Variants in MACF1 observed in about 807,000 individuals in gnomAD.
MACF1 encodes microtubule-actin cross-linking factor 1.
In MACF1, 193 loss-of-function variants were observed where a neutral mutation model predicts 854.8. The ratio of observed to expected loss-of-function variants is 0.23; its 90% confidence interval spans 0.20 to 0.25. The LOEUF is 0.25. Among genes scored for constraint, MACF1 ranks in the 10% least tolerant of loss-of-function variants. The pLI is 1.00. For synonymous variants in MACF1, 3,185 were observed against 3,226.7 expected (o/e 0.99, Z 0.44); for missense variants, 7,722 against 8,929.1 (o/e 0.86, Z 5.45).
intron 97 of MACF1, among the ~76,000 whole-genome samples, chr1:39,473,270 C>G (rs1644811806): frequency 6.6e-6 from 1 of 152,210 alleles, no homozygotes; most frequent in South Asian, 2.1e-4. Context: ...ATGGTGGCCT[C>G]TGGGGCTAAC....
chr1:39,387,299 C>G lies in MACF1; in HGVS notation c.14457C>G (p.Asn4819Lys). The change falls in exon 58 of 101, where the codon AAC (asparagine) becomes AAG (lysine). Residue 4819 changes from asparagine to lysine, a missense_variant. By Grantham distance (94) the Asn-to-Lys change is moderately conservative (BLOSUM62 0). Transcript: ENST00000564288. Reference sequence around the variant, plus strand: ...ATAAACAAAGCCAGCAAGCAAAAAACTGCCCAATTTCTGCAAAATTGGAGC... The same window carrying G: ...ATAAACAAAGCCAGCAAGCAAAAAAGTGCCCAATTTCTGCAAAATTGGAGC... ...LDDKQSQQAK[N>K]CPISAKLERL... is the part of the protein sequence containing the mutation. The G allele has an allele frequency of 6.2e-7, 1 of 1,614,216 alleles. No individual in the cohort carries two copies. The highest frequency in any genetic ancestry group is 8.5e-7 in the Non-Finnish European group (1 of 1,180,028).
chr1:39,143,421 A>G (rs903709854), intron 2 of MACF1, among the ~76,000 whole-genome samples: 3 of 152,190 alleles, frequency 2.0e-5, no homozygotes, highest in African/African-American at 7.2e-5. Context: ...AGGCCAGGAT[A>G]ATAGGATAGA....
intron 58 of MACF1, chr1:39,412,731 A>G (rs765719080): frequency 3.7e-6 from 6 of 1,613,840 alleles, no homozygotes; most frequent in Middle Eastern, 3.3e-4. Flanking sequence ...ATACTGAACC[A>G]GTTTTAGAGG....
At chr1:39,476,353 G>A (rs1003243212) in intron 97 of MACF1, among the ~76,000 whole-genome samples, 12 of 151,662 alleles carry the variant, frequency 7.9e-5, no homozygotes, top group Admixed American at 1.3e-4. Flanking sequence ...GGCAGATCAC[G>A]AGGTCAGGAG....
intron 2 of MACF1, among the ~76,000 whole-genome samples, chr1:39,151,422 G>A (rs1445114697): frequency 6.6e-6 from 1 of 152,174 alleles, no homozygotes; most frequent in Non-Finnish European, 1.5e-5. Context: ...TCACTCGGAA[G>A]CCCTTGCAAT....
intron 58 of MACF1, among the ~76,000 whole-genome samples, chr1:39,398,817 C>T (rs566240252): frequency 6.6e-6 from 1 of 152,286 alleles, no homozygotes; most frequent in South Asian, 2.1e-4. Context: ...CCACAAGGCT[C>T]CTGCTGTGGA....
chr1:39,428,342 A>T, intron 63 of MACF1, 55 bp downstream of exon 63: 1 of 1,446,090 alleles, frequency 6.9e-7, no homozygotes, highest in Non-Finnish European at 9.2e-7. Context: ...TGTTATTTTG[A>T]TTCATGTTTC....
intron 2 of MACF1, among the ~76,000 whole-genome samples, chr1:39,160,596 A>T (rs1427932411): frequency 2.0e-5 from 3 of 152,252 alleles, no homozygotes; most frequent in Admixed American, 6.5e-5. Flanking sequence ...CAAAGAAAGG[A>T]TCAGATTTAA....
intron 2 of MACF1, among the ~76,000 whole-genome samples, chr1:39,129,223 TTA>T (rs1358329534): frequency 1.3e-5 from 2 of 152,214 alleles, no homozygotes; most frequent in African/African-American, 4.8e-5. Context: ...GTGCAACAGG[TTA>T]TGTTTTCTCC....
At position 39,333,036 on chromosome 1, in the gene MACF1, G is replaced by GT. The variant is rs1001320015; in HGVS notation, c.6454dup (p.Ser2152PhefsTer3). The GT allele has an allele frequency of 1.9e-6, 3 of 1,613,898 alleles. No homozygotes were observed. The highest frequency in any genetic ancestry group is 1.3e-5 in the African/African-American group (1 of 74,882). On this transcript the variant is annotated frameshift_variant, in exon 37 of 101. Coordinates refer to ENST00000564288, the MANE Select transcript of MACF1 (RefSeq NM_001394062.1). LOFTEE classifies it high-confidence loss of function. ...TGTGCCGTTGGTGGTTGACAAAGAT[G>GT]TTTTTTCTGTTGAAACACCAAAGAA...
At chr1:39,251,970 C>A in intron 4 of MACF1, 29 bp downstream of exon 4, 1 of 1,434,980 alleles carries the variant, frequency 7.0e-7, no homozygotes, top group Non-Finnish European at 9.2e-7. Flanking sequence ...GCCAGCATCC[C>A]AGCTGGCACT....
intron 2 of MACF1, among the ~76,000 whole-genome samples, chr1:39,122,632 C>A (rs1391926627): frequency 6.6e-6 from 1 of 152,102 alleles, no homozygotes; most frequent in African/African-American, 2.4e-5. Context: ...GAGGATTAAA[C>A]CCAGTTGAAA....
intron 23 of MACF1, among the ~76,000 whole-genome samples, chr1:39,307,438 T>A (rs964028160): frequency 6.6e-6 from 1 of 152,212 alleles, no homozygotes; most frequent in Non-Finnish European, 1.5e-5. Flanking sequence ...TCTCTGCAAG[T>A]GTTTAAGTGC....
upstream of MACF1, among the ~76,000 whole-genome samples, chr1:39,203,115 A>G (rs1644412294): frequency 6.6e-6 from 1 of 152,254 alleles, no homozygotes. Flanking sequence ...TTAGAAAAAA[A>G]TAAACTTGAC....
At chr1:39,387,062 C>A (rs1007382034) in intron 57 of MACF1, 125 bp from the exon 58 acceptor site, 1 of 1,038,114 alleles carries the variant, frequency 9.6e-7, no homozygotes. Flanking sequence ...TTATATGCCT[C>A]TTTTTGGTAG....
chr1:39,444,551 G>A (rs1570105622), intron 79 of MACF1, 111 bp from the exon 80 acceptor site: 11 of 838,744 alleles, frequency 1.3e-5, no homozygotes, highest in Non-Finnish European at 2.0e-5. Context: ...AGAATGGCTT[G>A]TAATCAAGAT....
Position 39,086,612 on chromosome 1 carries a change from A to G in MACF1, c.220+2174A>G, listed in dbSNP as rs190033592. ...TTTATGCCCTCTGCCTCCATCCTTC[A>G]TCACTCATGCATACTTAGATCGTTT... On this transcript the variant is annotated intron_variant, in intron 2 of 93. Transcript: ENST00000361689. Among the ~76,000 whole-genome samples, 16 of 152,216 alleles carry G rather than the reference A, an allele frequency of 1.1e-4. No homozygotes were observed. The East Asian group carries it at 3.1e-3, about 29-fold the overall frequency.
At chr1:39,100,431 C>T (rs1316204796) in intron 2 of MACF1, among the ~76,000 whole-genome samples, 1 of 152,116 alleles carries the variant, frequency 6.6e-6, no homozygotes, top group Non-Finnish European at 1.5e-5. Flanking sequence ...ACTTGGAATT[C>T]CAGGCTTAGA....
rs147091229 is a variant in MACF1 at position 39,306,026 on chromosome 1, C to T, written c.2789+2948C>T. 7.5e-3 allele frequency among the ~76,000 whole-genome samples: 1,148 copies of T among 152,218 alleles called. 10 individuals are homozygous for T. Among genetic ancestry groups the T allele is most frequent in the Middle Eastern group, 0.017 (5 of 294 alleles). ...TAGAGATTTTTGTCCATTTTGTTTA[C>T]CTCTGTATCTTTAGCACTTAGAACC... On this transcript the variant is annotated intron_variant, in intron 23 of 100. Transcript: ENST00000564288.
Sources: gnomAD v4.1 joint callset for allele counts (sites outside exome capture counted in the v4.1 genomes callset) on GRCh38, gnomAD v4.1.1 for gene constraint, MANE v1.5 for transcripts, NCBI Gene and HGNC (gene_info 2026-07-23, HGNC 2026-07-21) for gene names.